DMBX1: variants seen among roughly 807,000 people sequenced by gnomAD.
The protein encoded by DMBX1 is diencephalon/mesencephalon homeobox 1, also known as diencephalon/mesencephalon homeobox protein 1.
In DMBX1, 7 loss-of-function variants were observed where a neutral mutation model predicts 30.4. The observed-to-expected ratio is 0.23, with a 90% CI of 0.13 to 0.43. DMBX1 has a LOEUF of 0.43. DMBX1 is among the 20% of genes least tolerant of loss of function. DMBX1 has a pLI of 1.00. For missense variants in DMBX1, 460 were observed against 508.5 expected (o/e 0.90, Z 0.92); for synonymous variants, 222 against 214.2 (o/e 1.04, Z -0.32).
At chr1:46,505,014 G>C (rs1412957632) in intron 2 of DMBX1, among the ~76,000 whole-genome samples, 26 of 151,722 alleles carry the variant, frequency 1.7e-4, no homozygotes, top group African/African-American at 6.3e-4. Context: ...CGTCATCACT[G>C]GCCATCAGAG....
rs1295149977 is a variant in DMBX1, at chr1:46,489,865, C to A, written c.-165C>A. Among the ~76,000 whole-genome samples the A allele has an allele frequency of 6.6e-6, 1 of 151,348 alleles. No homozygotes were observed. The highest frequency in any genetic ancestry group is 1.5e-5 in the Non-Finnish European group (1 of 67,714). On this transcript the variant is annotated 5_prime_UTR_variant, in exon 1 of 6. Transcript: ENST00000360032. ...ATGGCAGCGGAGGCGGCGGCGCGGGCCGGGGTGACCAGGTACGAGCGGGCG... is the reference window on the plus strand; with the variant it reads ...ATGGCAGCGGAGGCGGCGGCGCGGGACGGGGTGACCAGGTACGAGCGGGCG...
chr1:46,499,979 G>A (rs1336629096), intron 2 of DMBX1, among the ~76,000 whole-genome samples: 2 of 152,174 alleles, frequency 1.3e-5, no homozygotes, highest in Non-Finnish European at 2.9e-5. Context: ...AGTGGAGAGA[G>A]ATGCCTTGTC....
rs1666341812 is a variant in DMBX1 at position 46,510,486 on chromosome 1, G to A, written c.165G>A (p.Leu55=). ...GCTGTACATTTCAAGACATCATCTTGGAGGCCCGTTATGGTTCCCAGCACC... is the reference window on the plus strand; with the variant it reads ...GCTGTACATTTCAAGACATCATCTTAGAGGCCCGTTATGGTTCCCAGCACC... The part of the protein sequence containing the change: ...TLAERLADII[L]EARYGSQHRK... The change falls in exon 4 of 6, where the codon TTG becomes TTA. Residue 55 remains leucine, a synonymous_variant. Transcript: ENST00000360032. This position sits in a 1 kb window ranked among gnomAD's most constrained non-coding sequence, Gnocchi z 4.1. 1 of 1,613,724 alleles carries A rather than the reference G, an allele frequency of 6.2e-7. No homozygotes were observed. Among genetic ancestry groups the A allele is most frequent in the African/African-American group, 1.3e-5 (1 of 74,916 alleles).
At chr1:46,498,175 C>G (rs144048058) in intron 2 of DMBX1, among the ~76,000 whole-genome samples, 1 of 152,266 alleles carries the variant, frequency 6.6e-6, no homozygotes, top group East Asian at 1.9e-4. Flanking sequence ...CTGGCTGCCC[C>G]TATTGCTGGG....
In DMBX1 at chr1:46,512,299, G is replaced by A. The variant is rs757432246; in HGVS notation, c.939G>A (p.Gln313=). ...CCCCGCTGGGCTCACTGCACTGCCA[G>A]TCCTACTACCAGTCCCTGTCAGCAG... ...NMAPLGSLHC[Q]SYYQSLSAAA... Residue 313 remains glutamine (Q), a synonymous_variant, in exon 6 of 6, where the codon CAG becomes CAA. Coordinates refer to ENST00000360032, the MANE Select transcript of DMBX1 (RefSeq NM_172225.2). This position sits in a 1 kb window ranked among gnomAD's most constrained non-coding sequence, Gnocchi z 4.8. The A allele has an allele frequency of 1.9e-6, 3 of 1,613,582 alleles. No homozygotes were observed. In the East Asian group the frequency reaches 6.7e-5, roughly 36 times the overall value.
chr1:46,503,262 T>A (rs1666171585), intron 2 of DMBX1, among the ~76,000 whole-genome samples: 1 of 152,246 alleles, frequency 6.6e-6, no homozygotes, highest in Admixed American at 6.5e-5. Context: ...CCTGACCACA[T>A]GTTCTAAAAC....
intron 5 of DMBX1, among the ~76,000 whole-genome samples, chr1:46,511,790 C>A (rs1442259163): frequency 6.6e-6 from 1 of 152,098 alleles, no homozygotes; most frequent in Admixed American, 6.5e-5. Flanking sequence ...GTTTACAGCC[C>A]TTGAAAAGAA....
intron 2 of DMBX1, among the ~76,000 whole-genome samples, chr1:46,501,204 T>C (rs1390890128): frequency 1.4e-5 from 1 of 73,962 alleles, no homozygotes; most frequent in East Asian, 4.3e-4. Flanking sequence ...CTTCCTTCCT[T>C]CCTTCCTTCC....
chr1:46,500,682 T>C (rs1432034881), intron 2 of DMBX1, among the ~76,000 whole-genome samples: 3 of 152,220 alleles, frequency 2.0e-5, no homozygotes, highest in African/African-American at 7.2e-5. Flanking sequence ...TCTATGCATA[T>C]TTATACATAC....
At chr1:46,497,161 C>T (rs946698340) in intron 2 of DMBX1, among the ~76,000 whole-genome samples, 9 of 152,188 alleles carry the variant, frequency 5.9e-5, no homozygotes, top group Admixed American at 5.9e-4. Context: ...CCCATCCTGC[C>T]TCCACCACTT....
At chr1:46,496,799 G>A (rs1666032736) in intron 2 of DMBX1, among the ~76,000 whole-genome samples, 7 of 152,212 alleles carry the variant, frequency 4.6e-5, no homozygotes, top group Admixed American at 4.6e-4. Flanking sequence ...ATGGTAGGAC[G>A]CTAGCCAAGG....
At position 46,501,213 on chromosome 1, in the gene DMBX1, C is replaced by CCTTCCTTTCTTTCTTTCTTT. The variant is rs1179560561; in HGVS notation, c.-12-5783_-12-5782insCCTTTCTTTCTTTCTTTCTT. Among the ~76,000 whole-genome samples the CCTTCCTTTCTTTCTTTCTTT allele has an allele frequency of 2.4e-4, 18 of 74,554 alleles. No homozygotes were observed. The East Asian group carries it at 2.7e-3, about 11-fold the overall frequency. 48.9% of individuals were successfully genotyped at this position (74,554 alleles called of 152,430 possible). A position where few individuals can be genotyped will look rare whatever the true frequency, so the allele number is the denominator to read the frequency against. ...CTCTCCCTTCCTTCCTTCCTTCCTT[C>CCTTCCTTTCTTTCTTTCTTT]CTTTCTTTCTTTCTTTCTTTCTTTC... is the stretch of plus-strand genomic sequence containing the variant. On this transcript the variant is annotated intron_variant, in intron 2 of 5. Coordinates refer to ENST00000360032, the MANE Select transcript of DMBX1 (RefSeq NM_172225.2).
At position 46,505,514 on chromosome 1, in the gene DMBX1, A is replaced by G. The variant is rs1175173340; in HGVS notation, c.-12-1485A>G. ...CTATCGCAAGAACAAAAAACCAAACACCGCATATTCTCACTCATAGGTGGG... is the reference window on the plus strand; with the variant it reads ...CTATCGCAAGAACAAAAAACCAAACGCCGCATATTCTCACTCATAGGTGGG... On this transcript the variant is annotated intron_variant, in intron 2 of 5. Coordinates refer to ENST00000360032, the MANE Select transcript of DMBX1 (RefSeq NM_172225.2). Among the ~76,000 whole-genome samples, 3 of 143,120 alleles carry G rather than the reference A, an allele frequency of 2.1e-5. No individual in the cohort carries two copies. In the East Asian group the frequency reaches 6.2e-4, roughly 30 times the overall value. The allele number at this position is 143,120 out of a possible 152,430, so 93.9% of individuals were successfully genotyped here.
intron 2 of DMBX1, among the ~76,000 whole-genome samples, chr1:46,502,768 C>T (rs1666161673): frequency 6.6e-6 from 1 of 152,074 alleles, no homozygotes; most frequent in Admixed American, 6.6e-5. Flanking sequence ...AGTCCCAGCA[C>T]ACCCAGGAGG....
chr1:46,491,663 G>T lies in DMBX1; in HGVS notation c.-13+880G>T, dbSNP rs944540256. On this transcript the variant is annotated intron_variant, in intron 2 of 5. Coordinates refer to ENST00000360032, the MANE Select transcript of DMBX1 (RefSeq NM_172225.2). This position sits in a 1 kb window ranked among gnomAD's most constrained non-coding sequence, Gnocchi z 5.5. ...TCTAGTGCTAGGGATTCTGTGCGCT[G>T]CAGGCGGGTCAGCTCTGTCCAACCC... Among the ~76,000 whole-genome samples, 5 of 152,206 alleles carry T rather than the reference G, an allele frequency of 3.3e-5. No homozygotes were observed. The highest frequency in any genetic ancestry group is 1.2e-4 in the African/African-American group (5 of 41,442).
rs1569884672 is a variant in DMBX1 at position 46,500,068 on chromosome 1, G to C, written c.-12-6931G>C. Among the ~76,000 whole-genome samples, 3 of 152,168 alleles carry C rather than the reference G, an allele frequency of 2.0e-5. No homozygotes were observed. The East Asian group carries it at 5.8e-4, about 29-fold the overall frequency. On this transcript the variant is annotated intron_variant, in intron 2 of 5. Coordinates refer to ENST00000360032, the MANE Select transcript of DMBX1 (RefSeq NM_172225.2). ...CTTATGGAGAGGGAAGAATTTGTTA[G>C]GGGAAGGGAAAGAAGAGGAATGGTG...
intron 2 of DMBX1, among the ~76,000 whole-genome samples, chr1:46,504,128 G>A (rs1431153860): frequency 2.0e-5 from 3 of 152,002 alleles, no homozygotes; most frequent in Non-Finnish European, 4.4e-5. Context: ...TTTGTCAGAT[G>A]AGTAGGTTGC....
chr1:46,490,910 C>G (rs1665917499), intron 2 of DMBX1, among the ~76,000 whole-genome samples, 127 bp downstream of exon 2: 1 of 152,226 alleles, frequency 6.6e-6, no homozygotes, highest in African/African-American at 2.4e-5. Context: ...CGGAGCGGCT[C>G]TCGGGGCGCT....
intron 3 of DMBX1, 85 bp downstream of exon 3, chr1:46,507,249 A>C: frequency 6.5e-7 from 1 of 1,539,110 alleles, no homozygotes; most frequent in Non-Finnish European, 8.8e-7. Context: ...GAGAGGGAGC[A>C]CTGGCCAAGC....
Sources: gnomAD v4.1 joint callset for allele counts (sites outside exome capture counted in the v4.1 genomes callset) on GRCh38, gnomAD v4.1.1 for gene constraint, Gnocchi (gnomAD v3.1) non-coding constraint, MANE v1.5 for transcripts, NCBI Gene and HGNC (gene_info 2026-07-23, HGNC 2026-07-21) for gene names.